Variants in SGCZ observed in about 807,000 individuals in gnomAD.
SGCZ encodes sarcoglycan zeta.
SGCZ carries 40 observed loss-of-function variants against 41.3 expected under a neutral mutation model. The ratio of observed to expected loss-of-function variants is 0.97; its 90% confidence interval spans 0.75 to 1.26. The LOEUF (loss-of-function observed/expected upper bound fraction) is 1.26. SGCZ is among the 50% of genes most tolerant of loss of function. The pLI, the probability that SGCZ is intolerant of heterozygous loss-of-function variation, is 0.00. For missense variants in SGCZ, 552 were observed against 369.8 expected (o/e 1.49, Z -4.04); for synonymous variants, 206 against 137.5 (o/e 1.50, Z -3.49).
At chr8:14,699,959 T>A (rs1016920783) in intron 1 of SGCZ, among the ~76,000 whole-genome samples, 1 of 151,942 alleles carries the variant, frequency 6.6e-6, no homozygotes, top group Non-Finnish European at 1.5e-5. Flanking sequence ...ACATAGCAGA[T>A]GTTGGCGAGG....
intron 1 of SGCZ, among the ~76,000 whole-genome samples, chr8:15,166,097 C>T (rs922976648): frequency 6.6e-6 from 1 of 152,116 alleles, no homozygotes; most frequent in African/African-American, 2.4e-5. Flanking sequence ...AATCAAACTC[C>T]AGTTTCAAAA....
At chr8:14,370,747 G>C (rs1254703707) in intron 2 of SGCZ, among the ~76,000 whole-genome samples, 3 of 151,744 alleles carry the variant, frequency 2.0e-5, no homozygotes, top group Non-Finnish European at 2.9e-5. Flanking sequence ...GCAGGATCTA[G>C]CTCAAAGGTT....
At chr8:14,432,566 G>A (rs1362622995) in intron 2 of SGCZ, among the ~76,000 whole-genome samples, 1 of 152,128 alleles carries the variant, frequency 6.6e-6, no homozygotes, top group African/African-American at 2.4e-5. Context: ...TGCAAATTGA[G>A]TGCAGTGTAT....
At chr8:15,091,015 A>G (rs1334681025) in intron 1 of SGCZ, among the ~76,000 whole-genome samples, 1 of 152,182 alleles carries the variant, frequency 6.6e-6, no homozygotes, top group Non-Finnish European at 1.5e-5. Flanking sequence ...CTTGACTGAC[A>G]GTTACATATT....
intron 1 of SGCZ, among the ~76,000 whole-genome samples, chr8:15,216,612 C>T (rs1801411920): frequency 6.6e-6 from 1 of 152,004 alleles, no homozygotes; most frequent in South Asian, 2.1e-4. Flanking sequence ...GTCAAGAGAA[C>T]TATATAGATA....
At chr8:14,185,879 C>T (rs1014919629) in intron 4 of SGCZ, among the ~76,000 whole-genome samples, 2 of 152,194 alleles carry the variant, frequency 1.3e-5, no homozygotes, top group African/African-American at 2.4e-5. Flanking sequence ...CATTTAGGTT[C>T]ATGGCTTTAA....
intron 1 of SGCZ, among the ~76,000 whole-genome samples, chr8:14,919,867 A>T (rs1799540761): frequency 6.6e-6 from 1 of 151,998 alleles, no homozygotes; most frequent in Non-Finnish European, 1.5e-5. Context: ...GCAGTGAGCC[A>T]AGATCACGCC....
At chr8:14,686,100 C>T (rs759294434) in intron 1 of SGCZ, among the ~76,000 whole-genome samples, 3 of 152,064 alleles carry the variant, frequency 2.0e-5, no homozygotes, top group Non-Finnish European at 4.4e-5. Flanking sequence ...CTTAACTCAC[C>T]TCCTATCCAG....
intron 1 of SGCZ, among the ~76,000 whole-genome samples, chr8:14,614,998 A>G (rs1358314158): frequency 2.0e-5 from 3 of 147,426 alleles, no homozygotes; most frequent in East Asian, 4.0e-4. Flanking sequence ...GTGTGTATAT[A>G]TGTGTGTGTG....
At chr8:14,230,556 G>T (rs528238411) in intron 4 of SGCZ, among the ~76,000 whole-genome samples, 26 of 152,082 alleles carry the variant, frequency 1.7e-4, no homozygotes, top group South Asian at 4.1e-4. Context: ...GCCATTAATT[G>T]GTGAAGTATA....
At chr8:14,821,424 T>C (rs1802079399) in intron 1 of SGCZ, among the ~76,000 whole-genome samples, 1 of 152,002 alleles carries the variant, frequency 6.6e-6, no homozygotes, top group African/African-American at 2.4e-5. Flanking sequence ...CCTTAAACTC[T>C]TCCAGAAAAC....
At chr8:15,133,810 C>G (rs1808006389) in intron 1 of SGCZ, among the ~76,000 whole-genome samples, 1 of 152,064 alleles carries the variant, frequency 6.6e-6, no homozygotes, top group African/African-American at 2.4e-5. Context: ...AGAAAATGAG[C>G]CTAATGAGAT....
intron 1 of SGCZ, among the ~76,000 whole-genome samples, chr8:15,212,034 G>T (rs1285823230): frequency 6.6e-6 from 1 of 152,084 alleles, no homozygotes; most frequent in Non-Finnish European, 1.5e-5. Flanking sequence ...TAGTCAAGTT[G>T]CTCACAATAC....
At chr8:14,854,773 A>G (rs1033497379) in intron 1 of SGCZ, among the ~76,000 whole-genome samples, 1 of 151,988 alleles carries the variant, frequency 6.6e-6, no homozygotes, top group Non-Finnish European at 1.5e-5. Flanking sequence ...TTTCATAGAG[A>G]GGAAAGGAGA....
chr8:14,628,015 CTA>C (rs1806519854), intron 1 of SGCZ, among the ~76,000 whole-genome samples: 3 of 152,166 alleles, frequency 2.0e-5, no homozygotes, highest in African/African-American at 7.2e-5. Context: ...CAGTTTATCC[CTA>C]TTATATTCCC....
intron 4 of SGCZ, among the ~76,000 whole-genome samples, chr8:14,203,459 T>C (rs1385266438): frequency 2.0e-5 from 3 of 152,202 alleles, no homozygotes; most frequent in Non-Finnish European, 2.9e-5. Context: ...TTTGTGCCAA[T>C]AATATATAAG....
chr8:14,861,292 G>C (rs1009473766), intron 1 of SGCZ, among the ~76,000 whole-genome samples: 1 of 152,148 alleles, frequency 6.6e-6, no homozygotes, highest in Admixed American at 6.6e-5. Flanking sequence ...AACATGGAAA[G>C]AGTCCCTTCT....
intron 1 of SGCZ, among the ~76,000 whole-genome samples, chr8:14,900,727 A>G (rs562127173): frequency 6.6e-6 from 1 of 152,308 alleles, no homozygotes; most frequent in African/African-American, 2.4e-5. Context: ...TCTGAAAGGT[A>G]TTTTATTATT....
intron 2 of SGCZ, among the ~76,000 whole-genome samples, chr8:14,498,261 T>A (rs1052761812): frequency 6.6e-6 from 1 of 152,182 alleles, no homozygotes; most frequent in Non-Finnish European, 1.5e-5. Flanking sequence ...ATAGTTCTTC[T>A]AGAGTTTAAT....
Sources: allele counts gnomAD v4.1 joint callset (sites outside exome capture counted in the v4.1 genomes callset), GRCh38; gene constraint gnomAD v4.1.1; transcripts MANE v1.5; gene names NCBI Gene and HGNC (gene_info 2026-07-23, HGNC 2026-07-21).